The following PCDHA7 variants were observed in gnomAD, a reference collection of about 807,000 sequenced individuals.
PCDHA7 encodes protocadherin alpha 7.
Under a neutral mutation model 57.2 loss-of-function variants are expected in PCDHA7, and 37 were observed. The ratio of observed to expected loss-of-function variants is 0.65; its 90% confidence interval spans 0.50 to 0.85. The LOEUF (loss-of-function observed/expected upper bound fraction) is 0.85, where lower values mean the gene tolerates loss of function less well. Ranked by LOEUF, PCDHA7 falls within the 40% of genes least tolerant of loss-of-function variation. PCDHA7 has a pLI of 0.00. For missense variants in PCDHA7, 1,188 were observed against 1,241.8 expected (o/e 0.96, Z 0.65); for synonymous variants, 553 against 558.8 (o/e 0.99, Z 0.15).
intron 1 of PCDHA7, among the ~76,000 whole-genome samples, chr5:140,943,172 C>T (rs1370908273): frequency 2.7e-5 from 4 of 148,068 alleles, no homozygotes; most frequent in African/African-American, 1.0e-4. Context: ...GCAGGAAAAT[C>T]GCTTGAACCC....
At chr5:140,845,204 TAA>T (rs1554140859) in intron 1 of PCDHA7, among the ~76,000 whole-genome samples, 1 of 149,338 alleles carries the variant, frequency 6.7e-6, no homozygotes, top group Non-Finnish European at 1.5e-5. Flanking sequence ...TGTTTTCATT[TAA>T]GTCCTTTTAA....
intron 3 of PCDHA7, among the ~76,000 whole-genome samples, chr5:140,995,186 A>T (rs2097669011): frequency 6.6e-6 from 1 of 152,132 alleles, no homozygotes; most frequent in Non-Finnish European, 1.5e-5. Flanking sequence ...ACCTATGATA[A>T]AGTTTAATTT....
At position 140,836,207 on chromosome 5, in the gene PCDHA7, G is replaced by A; in HGVS notation, c.1824G>A (p.Ser608=). The A allele has an allele frequency of 6.2e-7, 1 of 1,613,844 alleles. No individual in the cohort carries two copies. Among genetic ancestry groups the A allele is most frequent in the Non-Finnish European group, 8.5e-7 (1 of 1,179,826 alleles). Residue 608 remains serine, a synonymous_variant, in exon 1 of 4, where the codon TCG becomes TCA. Transcript: ENST00000525929. ...ACTCAGGCTACAACGCGTGGCTTTC[G>A]TATGAGTTGCAACCGGTGGCGGCCG... The part of the protein sequence containing the change: ...DADSGYNAWL[S]YELQPVAAGA...
intron 1 of PCDHA7, among the ~76,000 whole-genome samples, chr5:140,965,664 ATAAATG>A (rs1251201552): frequency 1.3e-5 from 2 of 152,254 alleles, no homozygotes; most frequent in Non-Finnish European, 2.9e-5. Flanking sequence ...GTCTTGGGTG[ATAAATG>A]TAAAAGATTT....
intron 1 of PCDHA7, among the ~76,000 whole-genome samples, chr5:140,943,273 A>AG (rs1157586895): frequency 6.7e-6 from 1 of 150,362 alleles, no homozygotes; most frequent in Non-Finnish European, 1.5e-5. Flanking sequence ...AAAAAAAAAA[A>AG]AAAAGAAAGA....
chr5:140,874,487 G>T (rs1194886650), intron 1 of PCDHA7, among the ~76,000 whole-genome samples: 11 of 152,214 alleles, frequency 7.2e-5, no homozygotes, highest in African/African-American at 2.2e-4. Flanking sequence ...GCAAAAGGTT[G>T]ATATCAAGTT....
At chr5:140,941,973 C>T (rs1249999637) in intron 1 of PCDHA7, among the ~76,000 whole-genome samples, 4 of 152,068 alleles carry the variant, frequency 2.6e-5, no homozygotes, top group Admixed American at 1.3e-4. Context: ...TTTACTTTCC[C>T]TAAACCTTGA....
At chr5:140,997,141 C>T (rs941650589) in intron 3 of PCDHA7, among the ~76,000 whole-genome samples, 6 of 152,088 alleles carry the variant, frequency 3.9e-5, no homozygotes, top group Admixed American at 2.6e-4. Flanking sequence ...CCCACACCCC[C>T]GCCACAGTGA....
chr5:140,871,444 A>C (rs782085925), intron 1 of PCDHA7: 1 of 1,610,088 alleles, frequency 6.2e-7, no homozygotes, highest in Non-Finnish European at 8.5e-7. Context: ...AGGTCTGAAT[A>C]AAGAGGAGGA....
chr5:140,869,501 T>A (rs200485559), intron 1 of PCDHA7: 1 of 1,614,192 alleles, frequency 6.2e-7, no homozygotes, highest in Admixed American at 1.7e-5. Flanking sequence ...CCGCCGGTGT[T>A]CTCGCTCAGA....
At chr5:140,930,616 G>T (rs2086997332) in intron 1 of PCDHA7, among the ~76,000 whole-genome samples, 2 of 152,154 alleles carry the variant, frequency 1.3e-5, no homozygotes, top group African/African-American at 4.8e-5. Context: ...TGCAAGAGAA[G>T]GAGGTGTGTA....
At chr5:140,923,468 G>T (rs2081380588) in intron 1 of PCDHA7, among the ~76,000 whole-genome samples, 1 of 152,098 alleles carries the variant, frequency 6.6e-6, no homozygotes, top group African/African-American at 2.4e-5. Flanking sequence ...GGTAGGGGCT[G>T]CAGTGAGCCA....
intron 1 of PCDHA7, chr5:140,882,876 A>G (rs1554175925): frequency 6.2e-7 from 1 of 1,614,238 alleles, no homozygotes. Flanking sequence ...CTGGACAGAG[A>G]GGAAATTCAG....
At chr5:140,923,878 G>A (rs1475731417) in intron 1 of PCDHA7, among the ~76,000 whole-genome samples, 3 of 152,192 alleles carry the variant, frequency 2.0e-5, no homozygotes, top group Non-Finnish European at 4.4e-5. Context: ...TCTGAGAAGC[G>A]TGTGAAAGAG....
intron 1 of PCDHA7, chr5:140,849,998 G>C (rs1331024860): frequency 6.3e-7 from 1 of 1,597,138 alleles, no homozygotes; most frequent in Admixed American, 1.7e-5. Context: ...GGTTGGGCGA[G>C]CGCTCGCTGT....
At chr5:140,967,057 A>T (rs1554229122) in intron 1 of PCDHA7, 1 of 1,612,704 alleles carries the variant, frequency 6.2e-7, no homozygotes, top group South Asian at 1.1e-5. Context: ...TGACGAGTGG[A>T]GCGCTCTTCG....
chr5:140,967,887 T>G, intron 1 of PCDHA7: 1 of 1,614,078 alleles, frequency 6.2e-7, no homozygotes, highest in Non-Finnish European at 8.5e-7. Flanking sequence ...TATAGCCCAG[T>G]GCCTGAGAAT....
At chr5:140,899,204 C>T (rs1286752140) in intron 1 of PCDHA7, among the ~76,000 whole-genome samples, 2 of 151,972 alleles carry the variant, frequency 1.3e-5, no homozygotes, top group African/African-American at 4.8e-5. Context: ...CCTAATTGCC[C>T]TGGCCAGAAC....
intron 2 of PCDHA7, among the ~76,000 whole-genome samples, chr5:140,981,645 A>G (rs2096941816): frequency 6.6e-6 from 1 of 152,126 alleles, no homozygotes; most frequent in Admixed American, 6.6e-5. Context: ...TTCTCTTAGG[A>G]TCCCACTTAT....
Sources: gnomAD v4.1 joint callset for allele counts (sites outside exome capture counted in the v4.1 genomes callset) on GRCh38, gnomAD v4.1.1 for gene constraint, MANE v1.5 for transcripts, NCBI Gene and HGNC (gene_info 2026-07-23, HGNC 2026-07-21) for gene names.